Variants in RPH3AL observed in about 807,000 individuals in gnomAD.
RPH3AL encodes the protein rabphilin 3A like (without C2 domains).
In RPH3AL, 38 loss-of-function variants were observed where a neutral mutation model predicts 43.1. The ratio of observed to expected loss-of-function variants is 0.88; its 90% CI spans 0.68 to 1.15. The LOEUF is 1.15. Among genes scored for constraint, RPH3AL ranks in the 50% most tolerant of loss-of-function variants. The pLI is 0.00. For synonymous variants in RPH3AL, 189 were observed against 176.3 expected, an observed-to-expected ratio of 1.07 and a Z score of -0.57; for missense variants, 462 against 423.2, an observed-to-expected ratio of 1.09 and a Z score of -0.81.
chr17:295,423 T>C (rs1283997974), intron 5 of RPH3AL, among the ~76,000 whole-genome samples: 1 of 101,588 alleles, frequency 9.8e-6, no homozygotes, highest in East Asian at 3.2e-4. Flanking sequence ...ACAGAGGGAA[T>C]GCACATCAGT....
At chr17:251,677 C>G (rs1275915796) in intron 6 of RPH3AL, among the ~76,000 whole-genome samples, 1 of 152,254 alleles carries the variant, frequency 6.6e-6, no homozygotes, top group Non-Finnish European at 1.5e-5. Context: ...ACCAAGGCCA[C>G]CCCATCTCTG....
intron 1 of RPH3AL, among the ~76,000 whole-genome samples, chr17:351,483 G>C (rs558941780): frequency 6.6e-6 from 1 of 151,890 alleles, no homozygotes; most frequent in Non-Finnish European, 1.5e-5. Flanking sequence ...ACCAAGAATC[G>C]TACCCACATG....
rs2043012329 is a variant in RPH3AL, at chr17:290,056, CAGA to C, written c.352-8205_352-8203del. Among the ~76,000 whole-genome samples, 2 of 152,206 alleles carry C rather than the reference CAGA, an allele frequency of 1.3e-5. No individual in the cohort carries two copies. The highest frequency in any genetic ancestry group is 3.8e-4 in the East Asian group (2 of 5,198). ...CTGTGCCCGGCACAGTGACTATTTG[CAGA>C]AGAACGGATTGAACAAATGGAAGCT... On this transcript the variant is annotated intron_variant, in intron 5 of 9. Coordinates refer to ENST00000331302, the MANE Select transcript of RPH3AL (RefSeq NM_006987.4). The surrounding 1 kb of genome is among the most constrained non-coding windows in gnomAD (Gnocchi z 4.2).
chr17:320,636 C>G (rs78214495), intron 4 of RPH3AL, among the ~76,000 whole-genome samples: 1 of 151,158 alleles, frequency 6.6e-6, no homozygotes, highest in Non-Finnish European at 1.5e-5. Context: ...GAGACCCTGT[C>G]CCCCCCAAAA....
intron 6 of RPH3AL, among the ~76,000 whole-genome samples, chr17:276,648 T>C (rs1379151309): frequency 6.6e-6 from 1 of 152,212 alleles, no homozygotes; most frequent in Non-Finnish European, 1.5e-5. Context: ...CTGCCTCAGC[T>C]TCCCAAAATG....
chr17:272,639 A>C (rs753183648), intron 6 of RPH3AL, among the ~76,000 whole-genome samples: 28 of 148,854 alleles, frequency 1.9e-4, no homozygotes, highest in Non-Finnish European at 3.4e-4. Flanking sequence ...TAGCATTAGG[A>C]GATATACCTA....
chr17:315,917 G>C (rs2044120236), intron 5 of RPH3AL, among the ~76,000 whole-genome samples: 1 of 139,510 alleles, frequency 7.2e-6, no homozygotes. Flanking sequence ...CCACTGATGT[G>C]TAGTCCCTGT....
At chr17:337,695 A>AAC (rs1323711911) in intron 1 of RPH3AL, among the ~76,000 whole-genome samples, 1 of 152,194 alleles carries the variant, frequency 6.6e-6, no homozygotes, top group Non-Finnish European at 1.5e-5. Context: ...TCGTTCATTC[A>AAC]ACACACACAC....
rs1170354231 is a variant in RPH3AL, at chr17:213,800, A to G, written c.*52T>C. ...AGGACCGGTCAGGGAGGAGCCGGGC[A>G]GGGTCTGGCAGGAATCCTCCACAGG... On this transcript the variant is annotated 3_prime_UTR_variant, in exon 10 of 10. Coordinates refer to ENST00000331302, the MANE Select transcript of RPH3AL (RefSeq NM_006987.4). The G allele has an allele frequency of 1.4e-6, 2 of 1,453,470 alleles. No individual in the cohort carries two copies. The highest frequency in any genetic ancestry group is 1.2e-5 in the South Asian group (1 of 86,590). 90.0% of individuals were successfully genotyped at this position (1,453,470 alleles called of 1,614,324 possible). A position where few individuals can be genotyped will look rare whatever the true frequency, so the allele number is the denominator to read the frequency against.
chr17:277,390 A>G (rs2042678781), intron 6 of RPH3AL, among the ~76,000 whole-genome samples: 1 of 152,244 alleles, frequency 6.6e-6, no homozygotes, highest in Non-Finnish European at 1.5e-5. Flanking sequence ...ATGTTCCTCA[A>G]TGATCCATAT....
At position 327,538 on chromosome 17, in the gene RPH3AL, G is replaced by C. The variant is rs80083441; in HGVS notation, c.6C>G (p.Ala2=). The C allele has an allele frequency of 2.1e-3, 3,426 of 1,613,718 alleles. 115 individuals carry two copies. The East Asian group carries it at 0.071, about 34-fold the overall frequency. The change falls in exon 3 of 10, where the codon GCC becomes GCG. Residue 2 remains alanine (A), a synonymous_variant. Transcript: ENST00000331302. The part of the protein sequence containing the change: M[A]DTIFGSGNDQ... ...CATTCCCGCTGCCGAAGATGGTGTC[G>C]GCCATGGCTCGGAGCACCCGGCTGG...
chr17:228,769 C>T (rs936495794), intron 7 of RPH3AL, among the ~76,000 whole-genome samples: 1 of 152,138 alleles, frequency 6.6e-6, no homozygotes, highest in African/African-American at 2.4e-5. Flanking sequence ...GGCTCTATCC[C>T]CTCAGAAATC....
At chr17:301,428 C>G (rs2043324718) in intron 5 of RPH3AL, among the ~76,000 whole-genome samples, 1 of 152,148 alleles carries the variant, frequency 6.6e-6, no homozygotes. Context: ...CTCAGCCTCC[C>G]CAGTAGTTGA....
At chr17:326,702 A>G (rs2044629401) in intron 3 of RPH3AL, among the ~76,000 whole-genome samples, 1 of 152,166 alleles carries the variant, frequency 6.6e-6, no homozygotes, top group South Asian at 2.1e-4. Flanking sequence ...CCAACATGGT[A>G]AAACCCCCGT....
intron 7 of RPH3AL, among the ~76,000 whole-genome samples, chr17:241,532 A>C (rs2041533138): frequency 6.6e-6 from 1 of 152,156 alleles, no homozygotes; most frequent in Non-Finnish European, 1.5e-5. Flanking sequence ...GTTGGCCTGG[A>C]GGGATGCTCC....
At chr17:347,562 T>C (rs2045262977) in intron 1 of RPH3AL, among the ~76,000 whole-genome samples, 1 of 151,148 alleles carries the variant, frequency 6.6e-6, no homozygotes, top group Non-Finnish European at 1.5e-5. Context: ...CCAGCCTGGG[T>C]GACAGAGCAA....
chr17:235,027 G>A (rs1052091390), intron 7 of RPH3AL, among the ~76,000 whole-genome samples: 11 of 152,336 alleles, frequency 7.2e-5, no homozygotes, highest in South Asian at 4.1e-4. Flanking sequence ...TGCGTTTGAC[G>A]GAAAAACGGC....
At chr17:235,575 AGGC>A (rs2041358045) in intron 7 of RPH3AL, among the ~76,000 whole-genome samples, 2 of 141,496 alleles carry the variant, frequency 1.4e-5, no homozygotes, top group East Asian at 2.1e-4. Context: ...GGGTCGGTGG[AGGC>A]TCCACACTAA....
Position 264,625 on chromosome 17 carries a change from A to G in RPH3AL, c.438+17143T>C, listed in dbSNP as rs1416648783. Among the ~76,000 whole-genome samples, 1 of 152,230 alleles carries G rather than the reference A, an allele frequency of 6.6e-6. No homozygotes were observed. The highest frequency in any genetic ancestry group is 1.5e-5 in the Non-Finnish European group (1 of 68,044). ...GTGTGAGGAGGGCATGAAGCATGTC[A>G]CAAGGCCTATTGGACACATTTGTGA... On this transcript the variant is annotated intron_variant, in intron 6 of 9. Transcript: ENST00000331302. This position sits in a 1 kb window ranked among gnomAD's most constrained non-coding sequence, Gnocchi z 4.8.
Sources: allele counts gnomAD v4.1 joint callset (sites outside exome capture counted in the v4.1 genomes callset), GRCh38; gene constraint gnomAD v4.1.1; non-coding constraint Gnocchi (gnomAD v3.1); transcripts MANE v1.5; gene names NCBI Gene and HGNC (gene_info 2026-07-23, HGNC 2026-07-21).